The following SIGLEC12 variants were observed in gnomAD, a reference collection of about 807,000 sequenced individuals.
SIGLEC12 encodes sialic acid binding Ig like lectin 12.
SIGLEC12 carries 43 observed loss-of-function variants against 54.1 expected under a neutral mutation model. The ratio of observed to expected loss-of-function variants is 0.80; its 90% CI spans 0.62 to 1.03. The LOEUF (loss-of-function observed/expected upper bound fraction) is 1.03, where lower values mean the gene tolerates loss of function less well. SIGLEC12 is among the 50% of genes least tolerant of loss of function. SIGLEC12 has a pLI of 0.00. For synonymous variants in SIGLEC12, 357 were observed against 307.6 expected (o/e 1.16, Z -1.68); for missense variants, 802 against 735.2 (o/e 1.09, Z -1.05).
chr19:51,499,189 GACAGTC>G lies in SIGLEC12; in HGVS notation c.1110_1115del (p.Met370_Val372delinsIle). On this transcript the variant is annotated inframe_deletion, in exon 4 of 8. Coordinates refer to ENST00000291707, the MANE Select transcript of SIGLEC12 (RefSeq NM_053003.4). ...TCTTACCTGTGCCATCTCCTTGGAA[GACAGTC>G]ATGGTCAAGTTCTGAGGAGGATCTG... 6.2e-7 allele frequency: 1 copy of G among 1,614,132 alleles called. No individual in the cohort carries two copies. Among genetic ancestry groups the G allele is most frequent in the Non-Finnish European group, 8.5e-7 (1 of 1,179,970 alleles).
At chr19:51,498,474 T>A (rs1488878100) in intron 4 of SIGLEC12, among the ~76,000 whole-genome samples, 187 bp from the exon 5 acceptor site, 6 of 152,262 alleles carry the variant, frequency 3.9e-5, no homozygotes, top group Non-Finnish European at 7.3e-5. Context: ...TTTCACTCTA[T>A]CTTTCAAAAT....
intron 7 of SIGLEC12, among the ~76,000 whole-genome samples, chr19:51,495,822 T>TC (rs1307379421): frequency 1.3e-5 from 2 of 152,322 alleles, no homozygotes; most frequent in African/African-American, 4.8e-5. Flanking sequence ...CTCGAAACCT[T>TC]CCACAGGCTT....
chr19:51,499,798 C>G (rs755712316), intron 2 of SIGLEC12, 82 bp from the exon 3 acceptor site: 6 of 1,569,126 alleles, frequency 3.8e-6, no homozygotes, highest in Non-Finnish European at 5.2e-6. Context: ...TCTGGTCTTA[C>G]TCCTCCCCTG....
Position 51,497,352 on chromosome 19 carries a change from A to C in SIGLEC12, c.1499T>G (p.Val500Gly). The stretch of plus-strand genomic sequence containing the variant: ...CCTCCCCAGGGTCAATGCTCACACA[A>C]CGAAGATGATGCAGAAGTACAGGAA... ...LVFLYFCIIF[V>G]VVRSCRKKSA... is the part of the protein sequence containing the mutation. The change falls in exon 6 of 8, where the codon GTT becomes GGT. Residue 500 changes from valine (V) to glycine (G), a missense_variant. Transcript: ENST00000291707. 1.9e-6 allele frequency: 3 copies of C among 1,612,790 alleles called. No homozygotes were observed. The highest frequency in any genetic ancestry group is 2.5e-6 in the Non-Finnish European group (3 of 1,178,990).
chr19:51,499,402 C>A, intron 3 of SIGLEC12, 36 bp downstream of exon 3: 1 of 1,545,572 alleles, frequency 6.5e-7, no homozygotes, highest in Non-Finnish European at 8.7e-7. Flanking sequence ...CAAGGAATCC[C>A]GATCAAAGAC....
chr19:51,497,075 G>A lies in SIGLEC12; in HGVS notation c.1503-99C>T, dbSNP rs1269371943. On this transcript the variant is annotated intron_variant, in intron 6 of 7. Coordinates refer to ENST00000291707, the MANE Select transcript of SIGLEC12 (RefSeq NM_053003.4). ...TATTTCCTATTGGGGAGCTGGAGGG[G>A]TAACTGAGGCGGGAGGGGAGTGGTC... 1.9e-6 allele frequency: 3 copies of A among 1,584,840 alleles called. No individual in the cohort carries two copies. In the African/African-American group the frequency reaches 4.0e-5, roughly 21 times the overall value.
chr19:51,494,667 G>A (rs1990180219), intron 7 of SIGLEC12, among the ~76,000 whole-genome samples: 1 of 152,196 alleles, frequency 6.6e-6, no homozygotes, highest in South Asian at 2.1e-4. Context: ...GCATGCCCAT[G>A]CTCACGGCAG....
intron 7 of SIGLEC12, among the ~76,000 whole-genome samples, chr19:51,494,148 C>T (rs1002353440): frequency 6.6e-6 from 1 of 152,086 alleles, no homozygotes; most frequent in Non-Finnish European, 1.5e-5. Context: ...CATTCCTGTG[C>T]TCAAACATCA....
rs200458181 is a variant in SIGLEC12, at chr19:51,498,127, C to T, written c.1296G>A (p.Glu432=). ...PSQSSNLGVL[E]LPRVHVKDEG... ...CATCCTTCACATGCACTCGAGGCAG[C>T]TCCAGCACCCCAAGGTTCGAGGACT... Residue 432 remains glutamate, a synonymous_variant, in exon 5 of 8, where the codon GAG becomes GAA. Transcript: ENST00000291707. 1 of 1,614,254 alleles carries T rather than the reference C, an allele frequency of 6.2e-7. No homozygotes were observed. Among genetic ancestry groups the T allele is most frequent in the Non-Finnish European group, 8.5e-7 (1 of 1,180,044 alleles).
At chr19:51,496,783 T>C (rs992779400) in intron 7 of SIGLEC12, 97 bp downstream of exon 7, 3 of 1,405,178 alleles carry the variant, frequency 2.1e-6, no homozygotes, top group African/African-American at 2.8e-5. Context: ...TTTTCGGCTG[T>C]AGGGGAAGAA....
intron 7 of SIGLEC12, among the ~76,000 whole-genome samples, chr19:51,494,386 T>C (rs56399216): frequency 0.12 from 17,561 of 152,076 alleles, 1,114 homozygotes; most frequent in Middle Eastern, 0.25. Context: ...AAAATGCAAA[T>C]CAAAGCCTTA....
chr19:51,495,911 A>G (rs1990229875), intron 7 of SIGLEC12, among the ~76,000 whole-genome samples: 2 of 152,178 alleles, frequency 1.3e-5, no homozygotes, highest in South Asian at 4.1e-4. Context: ...GGAATCAGGG[A>G]GTGGGGAGAA....
intron 4 of SIGLEC12, among the ~76,000 whole-genome samples, chr19:51,498,730 T>C (rs1990309833): frequency 1.3e-5 from 2 of 152,206 alleles, no homozygotes; most frequent in African/African-American, 4.8e-5. Flanking sequence ...CTCTGAGATC[T>C]TCCAGGTGCA....
At position 51,501,684 on chromosome 19, in the gene SIGLEC12, C is replaced by G. The variant is rs773986532; in HGVS notation, c.50G>C (p.Gly17Ala). 2.0e-5 allele frequency: 32 copies of G among 1,613,742 alleles called. No homozygotes were observed. Among genetic ancestry groups the G allele is most frequent in the African/African-American group, 2.7e-5 (2 of 74,898 alleles). Residue 17 changes from glycine (G) to alanine (A), a missense_variant, in exon 1 of 8, where the codon GGG becomes GCG. Coordinates refer to ENST00000291707, the MANE Select transcript of SIGLEC12 (RefSeq NM_053003.4). ...CAGGTAATCCTTCTGTTCCTTAGCC[C>G]CCACTCTCCCACAGAGCAGGGGTGG... Reference protein sequence around the residue: ...LLPPLLCGRVGAKEQKDYLLT... With the variant: ...LLPPLLCGRVAAKEQKDYLLT...
rs747718427 is a variant in SIGLEC12, at chr19:51,500,266, C to T, written c.462G>A (p.Glu154=). Reference sequence around the variant, plus strand: ...CCTGCACAGTCACCGACTCTGGCACCTCCAGCCTGTATCTTGACAGTAGGT... The same window carrying T: ...CCTGCACAGTCACCGACTCTGGCACTTCCAGCCTGTATCTTGACAGTAGGT... The part of the protein sequence containing the change: ...SQDLLSRYRL[E]VPESVTVQEG... The change falls in exon 2 of 8, where the codon GAG becomes GAA. Residue 154 remains glutamate (E), a synonymous_variant. Coordinates refer to ENST00000291707, the MANE Select transcript of SIGLEC12 (RefSeq NM_053003.4). 1.4e-5 allele frequency: 22 copies of T among 1,614,108 alleles called. No individual in the cohort carries two copies. The highest frequency in any genetic ancestry group is 1.7e-5 in the Admixed American group (1 of 60,010).
chr19:51,499,072 C>A (rs1990319352), intron 4 of SIGLEC12, 98 bp downstream of exon 4: 1 of 1,326,252 alleles, frequency 7.5e-7, no homozygotes, highest in East Asian at 2.3e-5. Context: ...GGCCGGGGCT[C>A]ACCCACAAAA....
At chr19:51,501,275 G>A in intron 1 of SIGLEC12, 32 bp downstream of exon 1, 1 of 1,606,636 alleles carries the variant, frequency 6.2e-7, no homozygotes, top group Non-Finnish European at 8.5e-7. Flanking sequence ...CATCACATTT[G>A]CCTTTGGCCT....
rs113676150 is a variant in SIGLEC12, at chr19:51,496,767, C to T, written c.1599+113G>A. ...TCTTAGGAGGAAAAAGTGGACAGGA[C>T]GTGATTTTTCGGCTGTAGGGGAAGA... is the stretch of plus-strand genomic sequence containing the variant. On this transcript the variant is annotated intron_variant, in intron 7 of 7. Transcript: ENST00000291707. The T allele has an allele frequency of 5.1e-5, 60 of 1,183,026 alleles. No individual in the cohort carries two copies. In the African/African-American group the frequency reaches 6.2e-4, roughly 12 times the overall value. The allele number at this position is 1,183,026 out of a possible 1,614,324, so 73.3% of individuals were successfully genotyped here.
intron 7 of SIGLEC12, among the ~76,000 whole-genome samples, chr19:51,495,977 C>G (rs914814384): frequency 8.5e-5 from 13 of 152,072 alleles, no homozygotes; most frequent in African/African-American, 2.9e-4. Context: ...CACAAATAAC[C>G]TTGTTGGTGA....
Sources: allele counts gnomAD v4.1 joint callset (sites outside exome capture counted in the v4.1 genomes callset), GRCh38; gene constraint gnomAD v4.1.1; transcripts MANE v1.5; gene names NCBI Gene and HGNC (gene_info 2026-07-23, HGNC 2026-07-21).